The following CCDC150 variants were observed in gnomAD, a reference collection of about 807,000 sequenced individuals.
CCDC150 encodes coiled-coil domain containing 150.
CCDC150 carries 151 observed loss-of-function variants against 156.5 expected under a neutral mutation model. The ratio of observed to expected loss-of-function variants is 0.97; its 90% confidence interval spans 0.85 to 1.10. CCDC150 has a LOEUF of 1.10. Among genes scored for constraint, CCDC150 ranks in the 50% least tolerant of loss-of-function variants. CCDC150 has a pLI of 0.00. For synonymous variants in CCDC150, 452 were observed against 429.4 expected, an observed-to-expected ratio of 1.05 and a Z score of -0.65; for missense variants, 1,312 against 1,268.1, an observed-to-expected ratio of 1.03 and a Z score of -0.53.
intron 5 of CCDC150, among the ~76,000 whole-genome samples, chr2:196,663,147 G>A (rs991885049): frequency 6.6e-6 from 1 of 152,072 alleles, no homozygotes; most frequent in Non-Finnish European, 1.5e-5. Context: ...GCTGAGGCGG[G>A]AGGATCACTT....
chr2:196,728,945 T>TA (rs1483066284), intron 22 of CCDC150, among the ~76,000 whole-genome samples: 1 of 152,228 alleles, frequency 6.6e-6, no homozygotes, highest in African/African-American at 2.4e-5. Context: ...GTCATGCTCT[T>TA]AAAATGCAAA....
intron 13 of CCDC150, among the ~76,000 whole-genome samples, chr2:196,680,612 T>C (rs1303083659): frequency 1.3e-5 from 2 of 152,194 alleles, no homozygotes; most frequent in Non-Finnish European, 2.9e-5. Flanking sequence ...GCCTAGTACC[T>C]TTTTAAATTT....
chr2:196,694,965 T>C, intron 13 of CCDC150, 81 bp from the exon 14 acceptor site: 1 of 722,126 alleles, frequency 1.4e-6, no homozygotes, highest in Non-Finnish European at 2.3e-6. Context: ...ATTTTACAGT[T>C]GTAATTGTCA....
chr2:196,683,834 TA>T (rs1296794888), intron 13 of CCDC150, among the ~76,000 whole-genome samples: 1 of 152,030 alleles, frequency 6.6e-6, no homozygotes, highest in Non-Finnish European at 1.5e-5. Context: ...TTTCTTTCTG[TA>T]AGGTCAGTAG....
intron 5 of CCDC150, among the ~76,000 whole-genome samples, chr2:196,662,102 TTA>T (rs1394552093): frequency 6.6e-6 from 1 of 152,208 alleles, no homozygotes; most frequent in Non-Finnish European, 1.5e-5. Flanking sequence ...GGAAAGTATA[TTA>T]AGCTACTCTA....
At chr2:196,693,304 T>A (rs1695604415) in intron 13 of CCDC150, among the ~76,000 whole-genome samples, 1 of 152,210 alleles carries the variant, frequency 6.6e-6, no homozygotes, top group Non-Finnish European at 1.5e-5. Flanking sequence ...AACATGATTA[T>A]CTCTCTGTTT....
intron 14 of CCDC150, among the ~76,000 whole-genome samples, chr2:196,695,772 CTGCACT>C (rs1353999515): frequency 1.3e-5 from 2 of 148,578 alleles, no homozygotes; most frequent in Non-Finnish European, 3.0e-5. Context: ...GATCAGGCCA[CTGCACT>C]CCAACCTGGG....
intron 1 of CCDC150, among the ~76,000 whole-genome samples, chr2:196,640,969 C>A (rs947182369): frequency 2.0e-5 from 2 of 97,662 alleles, no homozygotes; most frequent in Non-Finnish European, 4.5e-5. Context: ...TCTGTGTATT[C>A]TGTTTTTTGT....
At chr2:196,717,009 C>T (rs1352801121) in intron 17 of CCDC150, among the ~76,000 whole-genome samples, 2 of 149,994 alleles carry the variant, frequency 1.3e-5, no homozygotes, top group African/African-American at 4.9e-5. Flanking sequence ...TACAGGCGCC[C>T]GCCACCACGC....
intron 5 of CCDC150, among the ~76,000 whole-genome samples, chr2:196,660,835 A>G (rs1693517208): frequency 6.6e-6 from 1 of 152,100 alleles, no homozygotes; most frequent in African/African-American, 2.4e-5. Flanking sequence ...TCTTTCATGG[A>G]TTGTACTGTT....
chr2:196,657,320 T>C (rs970741064), intron 4 of CCDC150, 184 bp downstream of exon 4: 1 of 570,600 alleles, frequency 1.8e-6, no homozygotes, highest in East Asian at 3.1e-5. Context: ...CCTAAACCAC[T>C]GTGTGCTATC....
intron 12 of CCDC150, 78 bp from the exon 13 acceptor site, chr2:196,677,215 G>A: frequency 4.5e-6 from 4 of 886,708 alleles, no homozygotes; most frequent in Non-Finnish European, 7.4e-6. Flanking sequence ...TGACATGCAG[G>A]ATATGTGTGC....
At chr2:196,690,319 A>C (rs1458121204) in intron 13 of CCDC150, among the ~76,000 whole-genome samples, 1 of 152,114 alleles carries the variant, frequency 6.6e-6, no homozygotes, top group Non-Finnish European at 1.5e-5. Flanking sequence ...CCAGCATGGC[A>C]CATGTATACA....
intron 7 of CCDC150, among the ~76,000 whole-genome samples, chr2:196,669,094 G>A (rs1427852462): frequency 1.3e-5 from 2 of 152,010 alleles, no homozygotes; most frequent in Non-Finnish European, 2.9e-5. Flanking sequence ...TTCTGTCTTT[G>A]GTTTTCTTTT....
intron 13 of CCDC150, among the ~76,000 whole-genome samples, chr2:196,683,699 G>C (rs1694972746): frequency 6.6e-6 from 1 of 151,900 alleles, no homozygotes; most frequent in South Asian, 2.1e-4. Context: ...TATTCTTATA[G>C]GTCTATGCAG....
Position 196,680,819 on chromosome 2 carries a change from A to T in CCDC150, c.1509+3458A>T, listed in dbSNP as rs943448165. ...CCAAACTCTTTTCCAAAGTGGCTAC[A>T]CCATTTTACAATCCCACCAGCAATG... is the stretch of plus-strand genomic sequence containing the variant. On this transcript the variant is annotated intron_variant, in intron 13 of 27. Coordinates refer to ENST00000389175, the MANE Select transcript of CCDC150 (RefSeq NM_001080539.2). Among the ~76,000 whole-genome samples, 3 of 152,224 alleles carry T rather than the reference A, an allele frequency of 2.0e-5. No homozygotes were observed. In the East Asian group the frequency reaches 5.8e-4, roughly 29 times the overall value.
intron 13 of CCDC150, among the ~76,000 whole-genome samples, chr2:196,694,613 C>T (rs766582319): frequency 6.6e-6 from 1 of 152,040 alleles, no homozygotes; most frequent in Non-Finnish European, 1.5e-5. Flanking sequence ...TCTGTAATCC[C>T]GGCACTTTGT....
chr2:196,669,977 A>C (rs763431601), intron 8 of CCDC150, 101 bp downstream of exon 8: 13 of 724,038 alleles, frequency 1.8e-5, no homozygotes, highest in Non-Finnish European at 2.7e-5. Context: ...ACTCTCATCA[A>C]AGTTTTATTT....
At chr2:196,668,114 C>T (rs907813107) in intron 7 of CCDC150, among the ~76,000 whole-genome samples, 17 of 152,002 alleles carry the variant, frequency 1.1e-4, no homozygotes, top group South Asian at 8.3e-4. Flanking sequence ...CTGGCTAACA[C>T]GGTGAAACCC....
Sources: gnomAD v4.1 joint callset for allele counts (sites outside exome capture counted in the v4.1 genomes callset) on GRCh38, gnomAD v4.1.1 for gene constraint, MANE v1.5 for transcripts, NCBI Gene and HGNC (gene_info 2026-07-23, HGNC 2026-07-21) for gene names.